TCF7L1: variants seen among roughly 807,000 people sequenced by gnomAD.
TCF7L1 encodes transcription factor 7 like 1.
A neutral mutation model predicts 63.7 loss-of-function variants in TCF7L1; 18 were observed. The ratio of observed to expected loss-of-function variants is 0.28; its 90% CI spans 0.20 to 0.42. The LOEUF (loss-of-function observed/expected upper bound fraction) is 0.42, where lower values mean the gene tolerates loss of function less well. Among genes scored for constraint, TCF7L1 ranks in the 10% least tolerant of loss-of-function variants. The probability of loss-of-function intolerance (pLI) is 1.00; values close to 1 mark genes in which losing one functional copy is unlikely to be tolerated. For missense variants in TCF7L1, 654 were observed against 779.3 expected (o/e 0.84, Z 1.91); for synonymous variants, 355 against 340.9 (o/e 1.04, Z -0.46).
chr2:85,247,647 C>T (rs1680495293), intron 3 of TCF7L1, among the ~76,000 whole-genome samples: 1 of 152,142 alleles, frequency 6.6e-6, no homozygotes, highest in Non-Finnish European at 1.5e-5. Context: ...GTTTGAAAAT[C>T]GGCTTTAAAT....
intron 5 of TCF7L1, among the ~76,000 whole-genome samples, chr2:85,302,973 A>AT (rs1210024517): frequency 6.6e-6 from 1 of 152,210 alleles, no homozygotes; most frequent in Non-Finnish European, 1.5e-5. Flanking sequence ...TTTTAAATAG[A>AT]TTCATCAGTC....
At chr2:85,206,299 A>T (rs1679407715) in intron 3 of TCF7L1, among the ~76,000 whole-genome samples, 1 of 152,166 alleles carries the variant, frequency 6.6e-6, no homozygotes, top group Admixed American at 6.5e-5. Context: ...TTGACCAGAG[A>T]CGCTCTGCAG....
intron 5 of TCF7L1, 96 bp downstream of exon 5, chr2:85,302,712 C>CAAA: frequency 6.9e-7 from 1 of 1,442,178 alleles, no homozygotes; most frequent in Non-Finnish European, 9.3e-7. Flanking sequence ...GACCTGGGTT[C>CAAA]AAATCATGGC....
Position 85,134,098 on chromosome 2 carries a change from A to G in TCF7L1, c.313+19A>G. 1.9e-6 allele frequency: 3 copies of G among 1,606,976 alleles called. No homozygotes were observed. Among genetic ancestry groups the G allele is most frequent in the Non-Finnish European group, 2.5e-6 (3 of 1,177,826 alleles). On this transcript the variant is annotated intron_variant, in intron 2 of 11. Transcript: ENST00000282111. This position sits in a 1 kb window ranked among gnomAD's most constrained non-coding sequence, Gnocchi z 5.0. Reference sequence around the variant, plus strand: ...GCCGAAGGTATGTGCCCGCTGGGACAGCCCCCCACTCTCGATTCCCGCTGC... The same window carrying G: ...GCCGAAGGTATGTGCCCGCTGGGACGGCCCCCCACTCTCGATTCCCGCTGC...
chr2:85,145,359 A>G (rs1558615345), intron 3 of TCF7L1, among the ~76,000 whole-genome samples: 1 of 152,242 alleles, frequency 6.6e-6, no homozygotes, highest in Non-Finnish European at 1.5e-5. Context: ...AGAGATGGCA[A>G]CTGTGATTAA....
chr2:85,277,966 G>T (rs1326087721), intron 3 of TCF7L1, among the ~76,000 whole-genome samples: 1 of 152,190 alleles, frequency 6.6e-6, no homozygotes, highest in African/African-American at 2.4e-5. Flanking sequence ...GAGCCGGAGG[G>T]TTAATCTCCG....
chr2:85,172,156 C>T (rs886452033), intron 3 of TCF7L1, among the ~76,000 whole-genome samples: 1 of 152,142 alleles, frequency 6.6e-6, no homozygotes, highest in African/African-American at 2.4e-5. Context: ...CTTCCCACCT[C>T]ACATCCCACT....
chr2:85,281,197 T>A (rs752400480), intron 3 of TCF7L1, among the ~76,000 whole-genome samples: 4 of 152,146 alleles, frequency 2.6e-5, no homozygotes, highest in Non-Finnish European at 4.4e-5. Context: ...CTAATTTTTG[T>A]ATTTTTAGTA....
intron 3 of TCF7L1, among the ~76,000 whole-genome samples, chr2:85,268,067 G>T (rs1013547946): frequency 6.6e-5 from 10 of 152,170 alleles, no homozygotes; most frequent in African/African-American, 2.4e-4. Context: ...ATTAACTGTA[G>T]GGGAAAATAT....
At chr2:85,206,664 A>G (rs894315784) in intron 3 of TCF7L1, among the ~76,000 whole-genome samples, 2 of 152,114 alleles carry the variant, frequency 1.3e-5, no homozygotes, top group Admixed American at 1.3e-4. Flanking sequence ...CTCATCCAAC[A>G]TATTTGAGGG....
chr2:85,161,063 G>A (rs11679513), intron 3 of TCF7L1, among the ~76,000 whole-genome samples: 8,923 of 152,186 alleles, frequency 0.059, 349 homozygotes, highest in East Asian at 0.12. Flanking sequence ...ACCAGCATCC[G>A]TAGAGCTAAG....
intron 3 of TCF7L1, among the ~76,000 whole-genome samples, chr2:85,265,926 C>G (rs1473960838): frequency 6.6e-6 from 1 of 152,156 alleles, no homozygotes; most frequent in Non-Finnish European, 1.5e-5. Flanking sequence ...TTAAGTTCAA[C>G]TCACCTCTTA....
intron 3 of TCF7L1, among the ~76,000 whole-genome samples, chr2:85,166,035 C>A (rs1678409561): frequency 6.6e-6 from 1 of 152,196 alleles, no homozygotes; most frequent in Non-Finnish European, 1.5e-5. Context: ...TTTTATGGAA[C>A]TTATTTTAAA....
intron 3 of TCF7L1, among the ~76,000 whole-genome samples, chr2:85,268,503 C>T (rs984427598): frequency 2.1e-5 from 3 of 142,922 alleles, no homozygotes; most frequent in Non-Finnish European, 3.0e-5. Context: ...GACGGAGTCT[C>T]GCTCACGTCA....
chr2:85,137,947 A>G (rs1677634465), intron 3 of TCF7L1, among the ~76,000 whole-genome samples: 1 of 152,078 alleles, frequency 6.6e-6, no homozygotes, highest in Non-Finnish European at 1.5e-5. Context: ...TTAGAAAGTG[A>G]ATGCCAAAAA....
intron 4 of TCF7L1, among the ~76,000 whole-genome samples, chr2:85,284,644 T>C (rs1303098622): frequency 6.6e-6 from 1 of 152,222 alleles, no homozygotes; most frequent in African/African-American, 2.4e-5. Context: ...TCGCCGACTG[T>C]ACAGTGAGCC....
chr2:85,192,391 A>T (rs895512053), intron 3 of TCF7L1, among the ~76,000 whole-genome samples: 5 of 150,716 alleles, frequency 3.3e-5, no homozygotes, highest in Non-Finnish European at 7.4e-5. Context: ...CTCTAATTTT[A>T]TTTTTTTTTT....
chr2:85,197,437 A>G (rs563655842), intron 3 of TCF7L1, among the ~76,000 whole-genome samples: 1 of 152,202 alleles, frequency 6.6e-6, no homozygotes, highest in Admixed American at 6.5e-5. Flanking sequence ...GGGGTGGCAC[A>G]AATAGGCAGA....
chr2:85,240,950 T>C (rs868384614), intron 3 of TCF7L1, among the ~76,000 whole-genome samples: 4 of 152,176 alleles, frequency 2.6e-5, no homozygotes, highest in Non-Finnish European at 4.4e-5. Context: ...ATGTGATGCT[T>C]TTTGTTAAGT....
Sources: gnomAD v4.1 joint callset for allele counts (sites outside exome capture counted in the v4.1 genomes callset) on GRCh38, gnomAD v4.1.1 for gene constraint, Gnocchi (gnomAD v3.1) non-coding constraint, MANE v1.5 for transcripts, NCBI Gene and HGNC (gene_info 2026-07-23, HGNC 2026-07-21) for gene names.